The following GPSM1 variants were observed in gnomAD, a reference collection of about 807,000 sequenced individuals.
GPSM1 encodes the protein G protein signaling modulator 1.
A neutral mutation model predicts 70.5 loss-of-function variants in GPSM1; 48 were observed. The observed-to-expected ratio is 0.68, with a 90% CI of 0.54 to 0.87. The LOEUF (loss-of-function observed/expected upper bound fraction) is 0.87, where lower values mean the gene tolerates loss of function less well. Among genes scored for constraint, GPSM1 ranks in the 40% least tolerant of loss-of-function variants. GPSM1 has a pLI of 0.00. For missense variants in GPSM1, 981 were observed against 972.6 expected, an observed-to-expected ratio of 1.01 and a Z score of -0.11; for synonymous variants, 416 against 430.1, an observed-to-expected ratio of 0.97 and a Z score of 0.41.
At chr9:136,332,218 G>C (rs1462888640) in intron 1 of GPSM1, 2 of 398,878 alleles carry the variant, frequency 5.0e-6, no homozygotes, top group African/African-American at 2.1e-5. Context: ...GGGTGCCAGG[G>C]CGTGGTTGGA....
chr9:136,359,414 G>A lies in GPSM1; in HGVS notation c.*1194G>A, dbSNP rs924823130. The A allele has an allele frequency of 1.3e-5, 2 of 152,238 alleles. No individual in the cohort carries two copies. The highest frequency in any genetic ancestry group is 6.5e-5 in the Admixed American group (1 of 15,290). 9.4% of individuals were successfully genotyped at this position (152,238 alleles called of 1,614,324 possible). A position where few individuals can be genotyped will look rare whatever the true frequency, so the allele number is the denominator to read the frequency against. ...AGGTGACCTGCTTCTGGAGGGGCAG[G>A]GCCGCACCCGAGAGCAGGGACAGGT... On this transcript the variant is annotated 3_prime_UTR_variant, in exon 14 of 14. Transcript: ENST00000440944.
At chr9:136,353,217 G>A in intron 11 of GPSM1, 1 of 551,578 alleles carries the variant, frequency 1.8e-6, no homozygotes, top group Non-Finnish European at 2.3e-6. Context: ...GGGCCTCTGT[G>A]AAGCCGGGTG....
chr9:136,336,265 C>T (rs1195945193), intron 3 of GPSM1, among the ~76,000 whole-genome samples, 164 bp downstream of exon 3: 1 of 152,070 alleles, frequency 6.6e-6, no homozygotes, highest in Non-Finnish European at 1.5e-5. Context: ...AGAGTGTGGG[C>T]CCCCAAAACA....
chr9:136,349,379 G>A lies in GPSM1; in HGVS notation c.1279-208G>A, dbSNP rs551479282. ...CTGGTATAAGCCGGCTGACATTTGC[G>A]GGGGCCACTGGCCCTCAAACACCCC... On this transcript the variant is annotated intron_variant, in intron 10 of 13. Transcript: ENST00000440944. Among the ~76,000 whole-genome samples the A allele has an allele frequency of 3.3e-4, 50 of 152,354 alleles. 1 individual carries two copies. The highest frequency in any genetic ancestry group is 1.1e-3 in the African/African-American group (46 of 41,590).
At chr9:136,330,368 A>C (rs75308883) in intron 1 of GPSM1, among the ~76,000 whole-genome samples, 1 of 144,564 alleles carries the variant, frequency 6.9e-6, no homozygotes, top group African/African-American at 2.5e-5. Context: ...CCCTACCTTC[A>C]CTCCATCCTT....
At chr9:136,328,500 G>A (rs1388000850) in intron 1 of GPSM1, among the ~76,000 whole-genome samples, 1 of 152,218 alleles carries the variant, frequency 6.6e-6, no homozygotes, top group Non-Finnish European at 1.5e-5. Flanking sequence ...AGGCAGGCCT[G>A]GCTCCCCAGA....
Position 136,334,468 on chromosome 9 carries a change from G to C in GPSM1, c.90G>C (p.Glu30Asp), listed in dbSNP as rs782634981. 6.2e-7 allele frequency: 1 copy of C among 1,612,588 alleles called. No individual in the cohort carries two copies. Among genetic ancestry groups the C allele is most frequent in the South Asian group, 1.1e-5 (1 of 91,058 alleles). Residue 30 changes from glutamate (E) to aspartate (D), a missense_variant, in exon 2 of 14, where the codon GAG (glutamate) becomes GAC (aspartate). Glu to Asp is a conservative substitution (Grantham distance 45, BLOSUM62 2). Transcript: ENST00000440944. ...LYSRMEASCL[E>D]LALEGERLCK... ...ACAGGATGGAGGCGTCCTGCCTAGA[G>C]CTGGCGCTGGAGGGCGAGCGTCTGT...
At chr9:136,332,642 T>G (rs932233334) in intron 1 of GPSM1, among the ~76,000 whole-genome samples, 2 of 152,072 alleles carry the variant, frequency 1.3e-5, no homozygotes, top group African/African-American at 4.8e-5. Context: ...GGATGGGGCT[T>G]GGCTGGTTGT....
Position 136,358,621 on chromosome 9 carries a change from G to T in GPSM1, c.*401G>T. 3.2e-6 allele frequency: 1 copy of T among 315,562 alleles called. No homozygotes were observed. The highest frequency in any genetic ancestry group is 3.3e-5 in the South Asian group (1 of 30,474). The allele number at this position is 315,562 out of a possible 1,614,324, so 19.5% of individuals were successfully genotyped here. On this transcript the variant is annotated 3_prime_UTR_variant, in exon 14 of 14. Transcript: ENST00000440944. ...TGAGCCGCCTCTTGGGGCCACCAAGGACAGGGCCATGTTCTGTCCCCCCAG... is the reference window on the plus strand; with the variant it reads ...TGAGCCGCCTCTTGGGGCCACCAAGTACAGGGCCATGTTCTGTCCCCCCAG...
chr9:136,337,204 C>T, intron 4 of GPSM1, 132 bp downstream of exon 4: 1 of 1,054,282 alleles, frequency 9.5e-7, no homozygotes, highest in Non-Finnish European at 1.3e-6. Context: ...CCAGGTCCGC[C>T]CACCCCCGCT....
rs1554768005 is a variant in GPSM1, at chr9:136,327,572, G to A, written c.-124G>A. On this transcript the variant is annotated 5_prime_UTR_variant, in exon 1 of 14. Coordinates refer to ENST00000440944, the MANE Select transcript of GPSM1 (RefSeq NM_001145638.3). Reference sequence around the variant, plus strand: ...GGCGCCTCCCCGGGGGAGGACGGGCGAACGAGGCGCGGACGGACAGGCGGA... The same window carrying A: ...GGCGCCTCCCCGGGGGAGGACGGGCAAACGAGGCGCGGACGGACAGGCGGA... 4 of 197,052 alleles carry A rather than the reference G, an allele frequency of 2.0e-5. No individual in the cohort carries two copies. Among genetic ancestry groups the A allele is most frequent in the Non-Finnish European group, 3.9e-5 (4 of 102,328 alleles). The allele number at this position is 197,052 out of a possible 1,614,324, so 12.2% of individuals were successfully genotyped here.
In GPSM1 at chr9:136,356,553, G is replaced by A. The variant is rs1832834080; in HGVS notation, c.1821+3G>A. 6.2e-7 allele frequency: 1 copy of A among 1,607,784 alleles called. No individual in the cohort carries two copies. The highest frequency in any genetic ancestry group is 1.7e-5 in the Admixed American group (1 of 59,594). ...TCAACATGCTCATCAAGTACCAGGT[G>A]GGCTGCGGCCCTGGGCGGGCGTGGC... On this transcript the variant is annotated splice_donor_region_variant and intron_variant, in intron 13 of 13. Transcript: ENST00000440944.
chr9:136,348,823 C>T (rs934494886), intron 10 of GPSM1, 56 bp downstream of exon 10: 32 of 1,383,452 alleles, frequency 2.3e-5, no homozygotes, highest in Admixed American at 8.8e-5. Flanking sequence ...GCATGGGCAG[C>T]GGGGTTAATG....
At chr9:136,353,629 T>C (rs559442198) in intron 11 of GPSM1, among the ~76,000 whole-genome samples, 4 of 152,210 alleles carry the variant, frequency 2.6e-5, no homozygotes, top group African/African-American at 9.6e-5. Context: ...CTGCCCGACA[T>C]AGGACCCTGA....
At chr9:136,349,865 C>G in intron 11 of GPSM1, 102 bp downstream of exon 11, 5 of 1,158,770 alleles carry the variant, frequency 4.3e-6, no homozygotes, top group Non-Finnish European at 6.0e-6. Context: ...GGCCCGGGCA[C>G]TCCGGGGAGG....
chr9:136,344,887 G>A (rs533156624), intron 9 of GPSM1, among the ~76,000 whole-genome samples: 1 of 152,314 alleles, frequency 6.6e-6, no homozygotes, highest in East Asian at 1.9e-4. Flanking sequence ...GGACCCAGCA[G>A]AGAAGGGGCA....
At chr9:136,328,565 A>G (rs551745485) in intron 1 of GPSM1, among the ~76,000 whole-genome samples, 2 of 152,236 alleles carry the variant, frequency 1.3e-5, no homozygotes, top group Non-Finnish European at 2.9e-5. Flanking sequence ...CCTCCCTGAT[A>G]GGGGTCCCAG....
intron 9 of GPSM1, among the ~76,000 whole-genome samples, chr9:136,347,530 T>A (rs1832551683): frequency 1.3e-5 from 2 of 152,134 alleles, no homozygotes; most frequent in Non-Finnish European, 2.9e-5. Flanking sequence ...GACAGGGTCC[T>A]CAGTGTCAGC....
chr9:136,337,642 T>A lies in GPSM1; in HGVS notation c.702+78T>A, dbSNP rs988375656. The A allele has an allele frequency of 1.6e-5, 22 of 1,405,074 alleles. No homozygotes were observed. The African/African-American group carries it at 2.7e-4, about 17-fold the overall frequency. 87.0% of individuals were successfully genotyped at this position (1,405,074 alleles called of 1,614,324 possible). ...GCTGAGCCACCCTCTTGGCGGTCCCTGAAAGGGCAGGGTGGTATGGCCAGG... is the reference window on the plus strand; with the variant it reads ...GCTGAGCCACCCTCTTGGCGGTCCCAGAAAGGGCAGGGTGGTATGGCCAGG... On this transcript the variant is annotated intron_variant, in intron 5 of 13. Transcript: ENST00000440944.
Sources: allele counts gnomAD v4.1 joint callset (sites outside exome capture counted in the v4.1 genomes callset), GRCh38; gene constraint gnomAD v4.1.1; transcripts MANE v1.5; gene names NCBI Gene and HGNC (gene_info 2026-07-23, HGNC 2026-07-21).